NTNG1: variants seen among roughly 807,000 people sequenced by gnomAD.
NTNG1 encodes the protein netrin G1, also known as netrin-G1.
Under a neutral mutation model 54.0 loss-of-function variants are expected in NTNG1, and 16 were observed. That is an observed-to-expected ratio of 0.30 (90% confidence interval 0.20 to 0.45). The LOEUF is 0.45. Among genes scored for constraint, NTNG1 ranks in the 20% least tolerant of loss-of-function variants. The pLI, the probability that NTNG1 is intolerant of heterozygous loss-of-function variation, is 1.00. For synonymous variants in NTNG1, 255 were observed against 263.1 expected (o/e 0.97, Z 0.30); for missense variants, 530 against 678.7 (o/e 0.78, Z 2.43).
chr1:107,456,107 C>T (rs1002963831), intron 7 of NTNG1, among the ~76,000 whole-genome samples: 5 of 152,086 alleles, frequency 3.3e-5, no homozygotes, highest in Non-Finnish European at 7.4e-5. Context: ...AACAGAAAAC[C>T]ATTACATGCC....
At chr1:107,282,996 G>A (rs1664961517) in intron 2 of NTNG1, among the ~76,000 whole-genome samples, 1 of 151,908 alleles carries the variant, frequency 6.6e-6, no homozygotes, top group African/African-American at 2.4e-5. Flanking sequence ...GTTTTATAAG[G>A]GTATCAATGC....
chr1:107,324,754 T>C lies in NTNG1; in HGVS notation c.719T>C (p.Met240Thr). The change falls in exon 3 of 8, where the codon ATG becomes ACG. Residue 240 changes from methionine (M) to threonine (T), a missense_variant. Met to Thr is a moderately conservative substitution (Grantham distance 81). Transcript: ENST00000370068. ...AFFAGPRLRN[M>T]ASLYGQLDTT... Reference sequence around the variant, plus strand: ...TTTGCTGGACCTCGCCTACGCAATATGGCTTCCCTCTACGGACAGCTGGAT... The same window carrying C: ...TTTGCTGGACCTCGCCTACGCAATACGGCTTCCCTCTACGGACAGCTGGAT... 1 of 1,613,604 alleles carries C rather than the reference T, an allele frequency of 6.2e-7. No individual in the cohort carries two copies. The highest frequency in any genetic ancestry group is 8.5e-7 in the Non-Finnish European group (1 of 1,179,790).
At chr1:107,291,936 C>T (rs1224512796) in intron 2 of NTNG1, among the ~76,000 whole-genome samples, 4 of 151,936 alleles carry the variant, frequency 2.6e-5, no homozygotes, top group Non-Finnish European at 2.9e-5. Flanking sequence ...AATAAAAGAA[C>T]TCTTTCAAAT....
chr1:107,445,830 C>T (rs1676274857), intron 7 of NTNG1, among the ~76,000 whole-genome samples: 1 of 151,820 alleles, frequency 6.6e-6, no homozygotes. Flanking sequence ...TAGCTGTGTT[C>T]CGGTAAAACT....
At chr1:107,322,752 C>T (rs981068858) in intron 2 of NTNG1, among the ~76,000 whole-genome samples, 12 of 152,060 alleles carry the variant, frequency 7.9e-5, no homozygotes, top group African/African-American at 2.9e-4. Flanking sequence ...GAGAGAAGTA[C>T]AGAAACATTT....
intron 2 of NTNG1, among the ~76,000 whole-genome samples, chr1:107,157,193 A>G (rs1453388674): frequency 6.6e-6 from 1 of 152,130 alleles, no homozygotes; most frequent in Non-Finnish European, 1.5e-5. Flanking sequence ...TGTTTTTGAA[A>G]CTCGAATAAG....
At chr1:107,252,293 A>G (rs1662658228) in intron 2 of NTNG1, among the ~76,000 whole-genome samples, 1 of 152,160 alleles carries the variant, frequency 6.6e-6, no homozygotes, top group Admixed American at 6.5e-5. Context: ...CTGATTTGCT[A>G]CTTGCTAATT....
At chr1:107,407,054 T>A (rs1222327552) in intron 4 of NTNG1, among the ~76,000 whole-genome samples, 2 of 152,168 alleles carry the variant, frequency 1.3e-5, no homozygotes. Flanking sequence ...ATCGATGAAG[T>A]CCGTGATCAA....
chr1:107,320,381 G>A (rs1444242229), intron 2 of NTNG1, among the ~76,000 whole-genome samples: 1 of 152,100 alleles, frequency 6.6e-6, no homozygotes, highest in Non-Finnish European at 1.5e-5. Flanking sequence ...ATAGCAGCAA[G>A]AAGTGTACTT....
chr1:107,406,578 T>G (rs17018910), intron 4 of NTNG1, among the ~76,000 whole-genome samples: 1 of 152,092 alleles, frequency 6.6e-6, no homozygotes, highest in East Asian at 1.9e-4. Flanking sequence ...GAGTTCTGTC[T>G]GCTTTCCATC....
intron 7 of NTNG1, among the ~76,000 whole-genome samples, chr1:107,475,553 C>T (rs1215769908): frequency 6.6e-6 from 1 of 152,134 alleles, no homozygotes; most frequent in African/African-American, 2.4e-5. Context: ...GAAGATAATC[C>T]ACTCTTACAT....
chr1:107,189,495 G>A (rs1237121896), intron 2 of NTNG1, among the ~76,000 whole-genome samples: 1 of 148,194 alleles, frequency 6.7e-6, no homozygotes, highest in African/African-American at 2.5e-5. Flanking sequence ...TGTCAAAATT[G>A]CAAGCCCTGT....
intron 2 of NTNG1, among the ~76,000 whole-genome samples, chr1:107,304,754 T>TAAG (rs1338385463): frequency 1.3e-5 from 2 of 152,040 alleles, no homozygotes; most frequent in Non-Finnish European, 2.9e-5. Flanking sequence ...AATTATACTT[T>TAAG]AAGTTCTGGG....
Position 107,233,870 on chromosome 1 carries a change from A to G in NTNG1, c.246+85031A>G, listed in dbSNP as rs546401404. 2.4e-4 allele frequency among the ~76,000 whole-genome samples: 37 copies of G among 152,058 alleles called. No individual in the cohort carries two copies. The South Asian group carries it at 7.3e-3, about 30-fold the overall frequency. The stretch of plus-strand genomic sequence containing the variant: ...TAATTAGAACCACCTTTCCTATCTC[A>G]TGTTCCTGTCTTCATTGGCATCTAC... On this transcript the variant is annotated intron_variant, in intron 2 of 7. Transcript: ENST00000370068.
intron 2 of NTNG1, among the ~76,000 whole-genome samples, chr1:107,176,671 A>G (rs2101113699): frequency 6.6e-6 from 1 of 152,268 alleles, no homozygotes; most frequent in South Asian, 2.1e-4. Flanking sequence ...GATAAACGGA[A>G]TGTGATTTTT....
In NTNG1 at chr1:107,395,258, A is replaced by G. The variant is rs774475644; in HGVS notation, c.992A>G (p.Lys331Arg). 8.7e-6 allele frequency: 14 copies of G among 1,613,694 alleles called. No homozygotes were observed. Among genetic ancestry groups the G allele is most frequent in the Non-Finnish European group, 1.2e-5 (14 of 1,179,692 alleles). The change falls in exon 4 of 8, where the codon AAG becomes AGG. Residue 331 changes from lysine to arginine, a missense_variant. Transcript: ENST00000370068. ...TTGPDCGKCK[K>R]NYQGRPWSPG... ...GGTCCAGACTGTGGGAAATGCAAGA[A>G]GAATTATCAGGGCCGACCTTGGAGT...
intron 2 of NTNG1, among the ~76,000 whole-genome samples, chr1:107,171,916 G>T (rs977979260): frequency 1.3e-5 from 2 of 151,676 alleles, no homozygotes; most frequent in East Asian, 1.9e-4. Context: ...GTTTTCCTTG[G>T]TTTTTTATTT....
chr1:107,429,648 A>G (rs2101318422), intron 5 of NTNG1, among the ~76,000 whole-genome samples: 1 of 152,274 alleles, frequency 6.6e-6, no homozygotes, highest in East Asian at 1.9e-4. Flanking sequence ...TTAAACAAAC[A>G]AAATTTGCAG....
intron 2 of NTNG1, among the ~76,000 whole-genome samples, chr1:107,319,724 A>G (rs1667537825): frequency 6.6e-6 from 1 of 152,086 alleles, no homozygotes; most frequent in Admixed American, 6.6e-5. Context: ...TGTAGCTTAC[A>G]GTTCAGTGGC....
Sources: allele counts gnomAD v4.1 joint callset (sites outside exome capture counted in the v4.1 genomes callset), GRCh38; gene constraint gnomAD v4.1.1; transcripts MANE v1.5; gene names NCBI Gene and HGNC (gene_info 2026-07-23, HGNC 2026-07-21).